CNOT2: variants seen among roughly 807,000 people sequenced by gnomAD.
CNOT2 encodes CCR4-NOT transcription complex subunit 2.
Under a neutral mutation model 72.1 loss-of-function variants are expected in CNOT2, and 7 were observed. The ratio of observed to expected loss-of-function variants is 0.10; its 90% CI spans 0.06 to 0.18. The LOEUF (loss-of-function observed/expected upper bound fraction) is 0.18, where lower values mean the gene tolerates loss of function less well. CNOT2 is among the 10% of genes least tolerant of loss of function. The pLI is 1.00. For synonymous variants in CNOT2, 196 were observed against 225.6 expected (o/e 0.87, Z 1.17); for missense variants, 345 against 660.3 (o/e 0.52, Z 5.23).
chr12:70,326,512 A>T (rs1879102763), intron 4 of CNOT2, among the ~76,000 whole-genome samples: 1 of 146,672 alleles, frequency 6.8e-6, no homozygotes, highest in African/African-American at 2.5e-5. Context: ...TTTAGAGATG[A>T]TTTTTCTGTG....
chr12:70,284,459 T>C (rs1364376354), intron 2 of CNOT2, among the ~76,000 whole-genome samples: 2 of 152,112 alleles, frequency 1.3e-5, no homozygotes, highest in African/African-American at 2.4e-5. Context: ...TTGGCCACGC[T>C]AGTCTCAAAC....
At chr12:70,277,818 G>T (rs1869110098) in intron 1 of CNOT2, among the ~76,000 whole-genome samples, 2 of 152,102 alleles carry the variant, frequency 1.3e-5, no homozygotes, top group Admixed American at 1.3e-4. Context: ...AAATATGTCA[G>T]TTGTGGGAGG....
chr12:70,310,806 C>A, intron 2 of CNOT2, 89 bp from the exon 3 acceptor site: 1 of 1,076,456 alleles, frequency 9.3e-7, no homozygotes, highest in African/African-American at 1.6e-5. Flanking sequence ...AGCAATGCTC[C>A]CTTCATGTTC....
rs112889795 is a variant in CNOT2 at position 70,313,803 on chromosome 12, G to A, written c.171+2786G>A. 4.8e-3 allele frequency among the ~76,000 whole-genome samples: 723 copies of A among 152,168 alleles called. 6 individuals carry two copies. The highest frequency in any genetic ancestry group is 0.016 in the African/African-American group (648 of 41,532). ...GCAGTGTGCTGGATTTGTCCTGCAG[G>A]AAATAATTTGCCCACCCCTGGGTTA... On this transcript the variant is annotated intron_variant, in intron 3 of 15. Transcript: ENST00000229195.
At chr12:70,308,894 T>A (rs1875957371) in intron 2 of CNOT2, among the ~76,000 whole-genome samples, 1 of 152,172 alleles carries the variant, frequency 6.6e-6, no homozygotes, top group Non-Finnish European at 1.5e-5. Context: ...CCTGAAACTT[T>A]ATTGAATAAT....
At chr12:70,296,929 C>A (rs984529467) in intron 2 of CNOT2, among the ~76,000 whole-genome samples, 1 of 152,054 alleles carries the variant, frequency 6.6e-6, no homozygotes, top group Non-Finnish European at 1.5e-5. Context: ...ATTTGATATA[C>A]GAATATTCTA....
intron 2 of CNOT2, among the ~76,000 whole-genome samples, chr12:70,302,623 G>A (rs1408645409): frequency 1.3e-5 from 2 of 152,158 alleles, no homozygotes; most frequent in African/African-American, 4.8e-5. Flanking sequence ...GCTGAGGAGT[G>A]CTTTACTTCC....
chr12:70,300,814 A>G (rs1414208087), intron 2 of CNOT2, among the ~76,000 whole-genome samples: 2 of 152,292 alleles, frequency 1.3e-5, no homozygotes, highest in East Asian at 1.9e-4. Context: ...CTTGGGCAGT[A>G]TGGCCATTTT....
chr12:70,299,706 T>C lies in CNOT2; in HGVS notation c.49-11189T>C, dbSNP rs367638766. On this transcript the variant is annotated intron_variant, in intron 2 of 15. Coordinates refer to ENST00000229195, the MANE Select transcript of CNOT2 (RefSeq NM_014515.7). ...CATAAGTGTGCATGTGTCTTTATAGTAGCATGATTTATAATCCTTTGGGTA... is the reference window on the plus strand; with the variant it reads ...CATAAGTGTGCATGTGTCTTTATAGCAGCATGATTTATAATCCTTTGGGTA... Among the ~76,000 whole-genome samples the C allele has an allele frequency of 7.9e-5, 12 of 152,098 alleles. 1 individual carries two copies. The highest frequency in any genetic ancestry group is 2.2e-4 in the African/African-American group (9 of 41,402).
intron 15 of CNOT2, among the ~76,000 whole-genome samples, chr12:70,351,492 C>A (rs938233144): frequency 2.0e-5 from 3 of 152,252 alleles, no homozygotes; most frequent in South Asian, 2.1e-4. Context: ...ATTTCTAAAT[C>A]TCTGATCTCT....
chr12:70,341,249 A>G (rs1044397056), intron 11 of CNOT2, among the ~76,000 whole-genome samples: 2 of 151,822 alleles, frequency 1.3e-5, no homozygotes, highest in African/African-American at 4.8e-5. Flanking sequence ...CCCTAACCCC[A>G]CCTCAACAGC....
chr12:70,338,219 C>T (rs1880965402), intron 9 of CNOT2: 2 of 371,768 alleles, frequency 5.4e-6, no homozygotes, highest in Non-Finnish European at 4.8e-6. Context: ...AGATATTTTC[C>T]CTTGATTTCT....
In CNOT2 at chr12:70,337,602, C is replaced by G. The variant is rs1000223762; in HGVS notation, c.900+89C>G. The G allele has an allele frequency of 7.0e-6, 9 of 1,277,866 alleles. No individual in the cohort carries two copies. The Admixed American group carries it at 1.6e-4, about 23-fold the overall frequency. The allele number at this position is 1,277,866 out of a possible 1,614,324, so 79.2% of individuals were successfully genotyped here. A position where few individuals can be genotyped will look rare whatever the true frequency, so the allele number is the denominator to read the frequency against. Reference sequence around the variant, plus strand: ...AACAATTACTTACTAAATACTATTACAAAACTGTTTTATCTTGATATCTGT... The same window carrying G: ...AACAATTACTTACTAAATACTATTAGAAAACTGTTTTATCTTGATATCTGT... On this transcript the variant is annotated intron_variant, in intron 9 of 15. Transcript: ENST00000229195.
At chr12:70,341,358 C>T (rs1467633292) in intron 11 of CNOT2, among the ~76,000 whole-genome samples, 1 of 152,128 alleles carries the variant, frequency 6.6e-6, no homozygotes, top group African/African-American at 2.4e-5. Flanking sequence ...GGAGTTCCCT[C>T]AGACTAGAAG....
intron 3 of CNOT2, among the ~76,000 whole-genome samples, chr12:70,313,853 A>T (rs916573260): frequency 6.6e-6 from 1 of 152,122 alleles, no homozygotes; most frequent in Non-Finnish European, 1.5e-5. Flanking sequence ...GGCTAATTAA[A>T]ATATCCCTTT....
intron 1 of CNOT2, among the ~76,000 whole-genome samples, chr12:70,261,908 TTGTC>T (rs1313533506): frequency 2.6e-5 from 4 of 152,092 alleles, no homozygotes; most frequent in East Asian, 1.9e-4. Context: ...TTTATTCAGA[TTGTC>T]TGTTTCATCC....
At position 70,258,231 on chromosome 12, in the gene CNOT2, C is replaced by A. The variant is rs191757395; in HGVS notation, c.-96+14751C>A. Among the ~76,000 whole-genome samples the A allele has an allele frequency of 1.2e-4, 18 of 152,220 alleles. No homozygotes were observed. In the East Asian group the frequency reaches 3.5e-3, roughly 29 times the overall value. Reference sequence around the variant, plus strand: ...GGAAGAAAAAGTAAATAGCATCACACAATTATGAGACAGGGTTAATATACA... The same window carrying A: ...GGAAGAAAAAGTAAATAGCATCACAAAATTATGAGACAGGGTTAATATACA... On this transcript the variant is annotated intron_variant, in intron 1 of 15. Transcript: ENST00000229195.
At chr12:70,261,723 A>G (rs1958775133) in intron 1 of CNOT2, among the ~76,000 whole-genome samples, 1 of 152,094 alleles carries the variant, frequency 6.6e-6, no homozygotes, top group Non-Finnish European at 1.5e-5. Context: ...ATGAATTAGG[A>G]AATGTTCCAG....
intron 3 of CNOT2, among the ~76,000 whole-genome samples, chr12:70,316,508 A>T (rs1565804706): frequency 1.3e-5 from 2 of 152,148 alleles, no homozygotes; most frequent in African/African-American, 2.4e-5. Context: ...AAGAAATTAG[A>T]TATTTGCATT....
Sources: gnomAD v4.1 joint callset for allele counts (sites outside exome capture counted in the v4.1 genomes callset) on GRCh38, gnomAD v4.1.1 for gene constraint, MANE v1.5 for transcripts, NCBI Gene and HGNC (gene_info 2026-07-23, HGNC 2026-07-21) for gene names.